The following CIT variants were observed in gnomAD, a reference collection of about 807,000 sequenced individuals.
CIT encodes the protein citron Rho-interacting kinase.
A neutral mutation model predicts 272.7 loss-of-function variants in CIT; 79 were observed. That is an observed-to-expected ratio of 0.29 (90% confidence interval 0.24 to 0.35). CIT has a LOEUF of 0.35. Ranked by LOEUF, CIT falls within the 10% of genes least tolerant of loss-of-function variation. The probability of loss-of-function intolerance (pLI) is 1.00; values close to 1 mark genes in which losing one functional copy is unlikely to be tolerated. For missense variants in CIT, 1,909 were observed against 2,618.3 expected (o/e 0.73, Z 5.91); for synonymous variants, 948 against 995.6 (o/e 0.95, Z 0.90).
chr12:119,830,761 A>C (rs1443282570), intron 7 of CIT, among the ~76,000 whole-genome samples: 2 of 152,210 alleles, frequency 1.3e-5, no homozygotes, highest in Non-Finnish European at 2.9e-5. Flanking sequence ...CCCCACAACA[A>C]AGAATTATTC....
chr12:119,855,589 G>A (rs925309138), intron 4 of CIT, among the ~76,000 whole-genome samples: 8 of 152,018 alleles, frequency 5.3e-5, no homozygotes, highest in Non-Finnish European at 1.2e-4. Context: ...TTCACTGCTT[G>A]TGCTGGCTTC....
intron 44 of CIT, among the ~76,000 whole-genome samples, chr12:119,698,453 G>C (rs1025377093): frequency 2.0e-5 from 3 of 152,136 alleles, no homozygotes; most frequent in African/African-American, 7.2e-5. Flanking sequence ...AGCCAGGCAT[G>C]GTGGTGTACA....
At chr12:119,717,772 G>A (rs7131914) in intron 32 of CIT, among the ~76,000 whole-genome samples, 87,139 of 147,246 alleles carry the variant, frequency 0.59, 26,219 homozygotes, top group African/African-American at 0.67. Context: ...TACATGAATG[G>A]TATAGACATG....
chr12:119,700,720 A>G lies in CIT; in HGVS notation c.5623+25T>C, dbSNP rs79553603. On this transcript the variant is annotated intron_variant, in intron 44 of 47. Coordinates refer to ENST00000392521, the MANE Select transcript of CIT (RefSeq NM_001206999.2). ...GGACACCAGCTGCTGGCAAAAGAGA[A>G]GCCCCCACACTGAGCCTCACGTACC... 1.1e-3 allele frequency: 1,663 copies of G among 1,504,522 alleles called. 15 individuals are homozygous for G. In the African/African-American group the frequency reaches 0.02, roughly 18 times the overall value. 93.2% of individuals were successfully genotyped at this position (1,504,522 alleles called of 1,614,324 possible). A position where few individuals can be genotyped will look rare whatever the true frequency, so the allele number is the denominator to read the frequency against.
chr12:119,762,313 A>T lies in CIT; in HGVS notation c.2305-1258T>A, dbSNP rs79116984. Among the ~76,000 whole-genome samples, 2,771 of 152,318 alleles carry T rather than the reference A, an allele frequency of 0.018. 182 individuals carry two copies. In the East Asian group the frequency reaches 0.21, roughly 12 times the overall value. ...GAACAGGGTCATGAGAGAAAGGAAG[A>T]AGCTCAAAAGGATGAGAAATGGCCC... On this transcript the variant is annotated intron_variant, in intron 19 of 47. Coordinates refer to ENST00000392521, the MANE Select transcript of CIT (RefSeq NM_001206999.2).
chr12:119,852,766 A>G (rs907407083), intron 4 of CIT, among the ~76,000 whole-genome samples: 1 of 151,924 alleles, frequency 6.6e-6, no homozygotes, highest in Admixed American at 6.6e-5. Context: ...ATATATATGC[A>G]TATATATGTA....
In CIT at chr12:119,784,273, T is replaced by C. The variant is rs1455984263; in HGVS notation, c.1402-222A>G. On this transcript the variant is annotated intron_variant, in intron 11 of 47. Coordinates refer to ENST00000392521, the MANE Select transcript of CIT (RefSeq NM_001206999.2). The surrounding 1 kb of genome is among the most constrained non-coding windows in gnomAD (Gnocchi z 4.7). ...GTCACTCCTCTCATTCAAGTCCCGG[T>C]TCACACTTGATCACTTCTCTAACCC... is the stretch of plus-strand genomic sequence containing the variant. The C allele has an allele frequency of 3.8e-6, 6 of 1,565,810 alleles. No homozygotes were observed. The highest frequency in any genetic ancestry group is 1.1e-5 in the South Asian group (1 of 89,638).
At chr12:119,870,549 CAAAAAAAAAAAAAAA>C (rs57894300) in intron 2 of CIT, among the ~76,000 whole-genome samples, 1 of 52,412 alleles carries the variant, frequency 1.9e-5, no homozygotes, top group African/African-American at 6.7e-5. Context: ...GACTCCCTCT[CAAAAAAAAAAAAAAA>C]AAAAAAAAAG....
At chr12:119,747,676 C>T (rs1039031841) in intron 23 of CIT, among the ~76,000 whole-genome samples, 5 of 150,826 alleles carry the variant, frequency 3.3e-5, no homozygotes, top group African/African-American at 4.9e-5. Flanking sequence ...GCCGAGATCA[C>T]GCCACTGCAC....
At chr12:119,723,565 C>T (rs997442436) in intron 28 of CIT, among the ~76,000 whole-genome samples, 1 of 151,654 alleles carries the variant, frequency 6.6e-6, no homozygotes, top group Non-Finnish European at 1.5e-5. Flanking sequence ...AACAATTTCA[C>T]GAGGAAACTG....
At chr12:119,801,796 C>T (rs968958071) in intron 10 of CIT, among the ~76,000 whole-genome samples, 3 of 152,222 alleles carry the variant, frequency 2.0e-5, no homozygotes, top group African/African-American at 7.2e-5. Context: ...CTCTGCCTCT[C>T]CCACCACCAT....
At chr12:119,796,012 G>A (rs1252223073) in intron 10 of CIT, among the ~76,000 whole-genome samples, 1 of 152,224 alleles carries the variant, frequency 6.6e-6, no homozygotes, top group African/African-American at 2.4e-5. Flanking sequence ...CAGGGGCAAG[G>A]CACTGTTTCA....
At chr12:119,816,631 C>T (rs956304258) in intron 9 of CIT, among the ~76,000 whole-genome samples, 7 of 152,150 alleles carry the variant, frequency 4.6e-5, no homozygotes, top group African/African-American at 1.2e-4. Context: ...TAGATGATTC[C>T]GATGCTGCCG....
At chr12:119,816,050 T>C (rs1967156283) in intron 9 of CIT, among the ~76,000 whole-genome samples, 1 of 152,200 alleles carries the variant, frequency 6.6e-6, no homozygotes, top group African/African-American at 2.4e-5. Flanking sequence ...TGATAGGACC[T>C]GCCTCACAGA....
At chr12:119,706,381 C>T (rs1176545436) in intron 40 of CIT, among the ~76,000 whole-genome samples, 1 of 152,132 alleles carries the variant, frequency 6.6e-6, no homozygotes, top group Non-Finnish European at 1.5e-5. Context: ...GTTATTTCAT[C>T]ACCTGCGTAT....
chr12:119,839,431 A>G (rs1202562335), intron 5 of CIT, among the ~76,000 whole-genome samples: 1 of 152,178 alleles, frequency 6.6e-6, no homozygotes, highest in Non-Finnish European at 1.5e-5. Flanking sequence ...TGAAAATGTA[A>G]TGACGCTGGC....
intron 23 of CIT, among the ~76,000 whole-genome samples, chr12:119,745,396 A>AC (rs1959225765): frequency 6.8e-6 from 1 of 146,218 alleles, no homozygotes; most frequent in East Asian, 1.9e-4. Flanking sequence ...AAAAAAAAAA[A>AC]AACACCTGTC....
Position 119,822,849 on chromosome 12 carries a change from G to C in CIT, c.1082C>G (p.Ser361Cys). ...ACGAATGTTGTTCCAGTCAATTTTA[G>C]AGAAGAAAGGATGGCAGCAAAGACC... is the stretch of plus-strand genomic sequence containing the variant. ...FEGLCCHPFFSKIDWNNIRNS... is the reference protein window; with the variant it reads ...FEGLCCHPFFCKIDWNNIRNS... Residue 361 changes from serine to cysteine, a missense_variant, in exon 9 of 48, where the codon TCT becomes TGT. Around this residue, in one of 8 missense-constraint regions of CIT, gnomAD observed 529 missense variants for 549.6 expected, o/e 0.96. Transcript: ENST00000392521. 6.2e-7 allele frequency: 1 copy of C among 1,614,068 alleles called. No individual in the cohort carries two copies. The highest frequency in any genetic ancestry group is 8.5e-7 in the Non-Finnish European group (1 of 1,180,014).
intron 7 of CIT, among the ~76,000 whole-genome samples, chr12:119,830,725 C>T (rs1299772477): frequency 6.6e-6 from 1 of 152,130 alleles, no homozygotes; most frequent in African/African-American, 2.4e-5. Context: ...GTCAGGGATG[C>T]AGCTAAACAT....
Sources: allele counts gnomAD v4.1 joint callset (sites outside exome capture counted in the v4.1 genomes callset), GRCh38; gene constraint gnomAD v4.1.1; regional missense constraint gnomAD v4.1.1; non-coding constraint Gnocchi (gnomAD v3.1); transcripts MANE v1.5; gene names NCBI Gene and HGNC (gene_info 2026-07-23, HGNC 2026-07-21).